NEGR1: variants seen among roughly 807,000 people sequenced by gnomAD.
The protein encoded by NEGR1 is IgLON family member 4.
A neutral mutation model predicts 40.9 loss-of-function variants in NEGR1; 10 were observed. That is an observed-to-expected ratio of 0.24 (90% CI 0.15 to 0.42). NEGR1 has a LOEUF of 0.42. Among genes scored for constraint, NEGR1 ranks in the 10% least tolerant of loss-of-function variants. The pLI, the probability that NEGR1 is intolerant of heterozygous loss-of-function variation, is 1.00. For synonymous variants in NEGR1, 185 were observed against 166.8 expected, an observed-to-expected ratio of 1.11 and a Z score of -0.84; for missense variants, 352 against 438.9, an observed-to-expected ratio of 0.80 and a Z score of 1.77.
intron 2 of NEGR1, among the ~76,000 whole-genome samples, chr1:71,806,830 C>T (rs1219064589): frequency 6.6e-6 from 1 of 151,750 alleles, no homozygotes. Flanking sequence ...AGTTTTAATC[C>T]CCATCCTACA....
At chr1:72,235,961 C>T (rs1010898518) in intron 1 of NEGR1, among the ~76,000 whole-genome samples, 21 of 152,016 alleles carry the variant, frequency 1.4e-4, no homozygotes, top group African/African-American at 5.1e-4. Flanking sequence ...ATAAATCATT[C>T]TACTATAAAG....
intron 1 of NEGR1, among the ~76,000 whole-genome samples, chr1:72,178,689 GTTTT>G (rs1247429928): frequency 3.4e-5 from 5 of 149,148 alleles, no homozygotes; most frequent in African/African-American, 1.2e-4. Context: ...GCCAGCGTCT[GTTTT>G]TTTTTGTTTG....
rs1651945660 is a variant in NEGR1 at position 71,658,481 on chromosome 1, C to T, written c.667+39527G>A. 3.3e-5 allele frequency among the ~76,000 whole-genome samples: 5 copies of T among 152,110 alleles called. No homozygotes were observed. The South Asian group carries it at 1.0e-3, about 32-fold the overall frequency. On this transcript the variant is annotated intron_variant, in intron 4 of 6. Transcript: ENST00000357731. The stretch of plus-strand genomic sequence containing the variant: ...GTGCCAGAATTATTTGCAAAGGTGC[C>T]AGATTTCTCAATTGCTTAATACGGG...
intron 2 of NEGR1, among the ~76,000 whole-genome samples, chr1:71,934,352 T>C (rs12732268): frequency 0.023 from 3,499 of 152,230 alleles, 123 homozygotes; most frequent in African/African-American, 0.079. Context: ...GATGATTCTG[T>C]TTGTATCTGG....
chr1:72,253,951 T>A (rs1215600018), intron 1 of NEGR1, among the ~76,000 whole-genome samples: 2 of 152,134 alleles, frequency 1.3e-5, no homozygotes, highest in African/African-American at 4.8e-5. Flanking sequence ...CCCACCAACT[T>A]ACAGGTAATA....
intron 3 of NEGR1, among the ~76,000 whole-genome samples, chr1:71,700,932 T>C (rs1350645): frequency 0.5 from 75,578 of 151,718 alleles, 18,869 homozygotes; most frequent in East Asian, 0.65. Context: ...AAGGCTCTAC[T>C]AAACATTGTT....
At chr1:72,181,332 T>C (rs1652360202) in intron 1 of NEGR1, among the ~76,000 whole-genome samples, 2 of 152,120 alleles carry the variant, frequency 1.3e-5, no homozygotes, top group African/African-American at 4.8e-5. Flanking sequence ...CTTTATTCTC[T>C]TCAATTGTCC....
intron 6 of NEGR1, among the ~76,000 whole-genome samples, chr1:71,555,685 G>C (rs138365911): frequency 9.1e-4 from 138 of 151,684 alleles, no homozygotes; most frequent in African/African-American, 3.1e-3. Context: ...GGTCAGCAAA[G>C]ATCCACTGAA....
intron 2 of NEGR1, among the ~76,000 whole-genome samples, chr1:71,780,778 T>C (rs1415230845): frequency 6.6e-6 from 1 of 152,260 alleles, no homozygotes; most frequent in Admixed American, 6.5e-5. Context: ...TGTATCTACA[T>C]ATTTAGATTC....
chr1:72,149,879 C>CAAAAAAAAAAAAAAAAAAAAAAAAA (rs1180110033), intron 1 of NEGR1, among the ~76,000 whole-genome samples: 2 of 39,358 alleles, frequency 5.1e-5, no homozygotes, highest in African/African-American at 8.5e-5. Context: ...AAAACTCTGT[C>CAAAAAAAAAAAAAAAAAAAAAAAAA]AAAAAAAAAA....
intron 4 of NEGR1, among the ~76,000 whole-genome samples, chr1:71,670,626 T>C (rs1652388883): frequency 6.6e-6 from 1 of 152,116 alleles, no homozygotes; most frequent in African/African-American, 2.4e-5. Flanking sequence ...CACTGCAACC[T>C]CTGCCTTCCT....
At chr1:71,434,306 G>A (rs890011477) in intron 6 of NEGR1, among the ~76,000 whole-genome samples, 2 of 152,166 alleles carry the variant, frequency 1.3e-5, no homozygotes, top group African/African-American at 4.8e-5. Flanking sequence ...GATGCAGACT[G>A]TGCATAGTGC....
chr1:71,723,652 T>A (rs980955412), intron 3 of NEGR1, among the ~76,000 whole-genome samples: 1 of 152,064 alleles, frequency 6.6e-6, no homozygotes, highest in Admixed American at 6.6e-5. Context: ...GTACCCCATC[T>A]CACTATTCAC....
chr1:71,782,171 T>A (rs1052530628), intron 2 of NEGR1, among the ~76,000 whole-genome samples: 17 of 152,102 alleles, frequency 1.1e-4, no homozygotes, highest in Non-Finnish European at 2.2e-4. Context: ...GATTAGATCA[T>A]GAAGGGATTA....
intron 1 of NEGR1, among the ~76,000 whole-genome samples, chr1:71,952,521 T>C (rs1393418672): frequency 6.6e-6 from 1 of 151,978 alleles, no homozygotes; most frequent in African/African-American, 2.4e-5. Context: ...GAAAAGAAGC[T>C]GTCTCTATAA....
intron 1 of NEGR1, among the ~76,000 whole-genome samples, chr1:72,263,463 T>C (rs969029197): frequency 1.9e-4 from 29 of 151,582 alleles, no homozygotes; most frequent in Non-Finnish European, 3.1e-4. Context: ...TTTGGAAAAA[T>C]GTTCATCAAG....
chr1:71,850,622 G>A (rs1334847122), intron 2 of NEGR1, among the ~76,000 whole-genome samples: 2 of 152,162 alleles, frequency 1.3e-5, no homozygotes, highest in Admixed American at 1.3e-4. Flanking sequence ...TGGGCAGAAT[G>A]ATGAGAAATT....
chr1:71,571,701 GAAGATGGCTT>G (rs1314948988), intron 6 of NEGR1, among the ~76,000 whole-genome samples: 2 of 148,978 alleles, frequency 1.3e-5, no homozygotes, highest in Admixed American at 6.8e-5. Context: ...GCTGAGGTGG[GAAGATGGCTT>G]AAGCCCAAGA....
chr1:71,962,303 G>T (rs1192931927), intron 1 of NEGR1, among the ~76,000 whole-genome samples: 2 of 152,072 alleles, frequency 1.3e-5, no homozygotes, highest in Non-Finnish European at 2.9e-5. Flanking sequence ...AGATATGTCA[G>T]GGGATGATGG....
Sources: allele counts gnomAD v4.1 joint callset (sites outside exome capture counted in the v4.1 genomes callset), GRCh38; gene constraint gnomAD v4.1.1; transcripts MANE v1.5; gene names NCBI Gene and HGNC (gene_info 2026-07-23, HGNC 2026-07-21).